The following TBC1D19 variants were observed in gnomAD, a reference collection of about 807,000 sequenced individuals.
The protein encoded by TBC1D19 is TBC1 domain family member 19, also known as TBC1 domain family, member 19.
Under a neutral mutation model 89.0 loss-of-function variants are expected in TBC1D19, and 60 were observed. That is an observed-to-expected ratio of 0.67 (90% CI 0.55 to 0.84). The LOEUF (loss-of-function observed/expected upper bound fraction) is 0.84. Among genes scored for constraint, TBC1D19 ranks in the 40% least tolerant of loss-of-function variants. The pLI, the probability that TBC1D19 is intolerant of heterozygous loss-of-function variation, is 0.00. For missense variants in TBC1D19, 500 were observed against 610.8 expected, an observed-to-expected ratio of 0.82 and a Z score of 1.91; for synonymous variants, 189 against 199.7, an observed-to-expected ratio of 0.95 and a Z score of 0.45.
At chr4:26,620,829 T>G in intron 4 of TBC1D19, 141 bp downstream of exon 4, 1 of 685,272 alleles carries the variant, frequency 1.5e-6, no homozygotes, top group South Asian at 2.6e-5. Flanking sequence ...TTAATAGTAT[T>G]TGTATATTCT....
intron 6 of TBC1D19, 24 bp downstream of exon 6, chr4:26,638,858 T>A: frequency 6.4e-7 from 1 of 1,558,320 alleles, no homozygotes; most frequent in South Asian, 1.2e-5. Context: ...TTTTTCTGAA[T>A]GTAGTAGTGG....
At chr4:26,637,340 G>A (rs1743196880) in intron 5 of TBC1D19, 55 bp downstream of exon 5, 15 of 1,307,264 alleles carry the variant, frequency 1.1e-5, no homozygotes, top group Non-Finnish European at 2.2e-6. Flanking sequence ...AATACAGAAA[G>A]TATCATGAAG....
chr4:26,650,162 G>A (rs923548953), intron 7 of TBC1D19, among the ~76,000 whole-genome samples: 9 of 152,032 alleles, frequency 5.9e-5, no homozygotes, highest in East Asian at 1.9e-4. Context: ...GAATAGTGCC[G>A]CAGAAAACAT....
At chr4:26,657,544 A>T (rs1265735815) in intron 7 of TBC1D19, among the ~76,000 whole-genome samples, 1 of 152,244 alleles carries the variant, frequency 6.6e-6, no homozygotes, top group Admixed American at 6.5e-5. Context: ...CTCAGTAAAC[A>T]TACATGTGCA....
chr4:26,762,596 C>T, the TBC1D19 span, among the ~76,000 whole-genome samples: 1 of 152,132 alleles, frequency 6.6e-6, no homozygotes, highest in African/African-American at 2.4e-5. Context: ...AATAATGGTT[C>T]CTCAAAGATA....
Position 26,616,653 on chromosome 4 carries a change from C to A in TBC1D19, c.218+2200C>A, listed in dbSNP as rs551685209. Among the ~76,000 whole-genome samples, 4 of 152,262 alleles carry A rather than the reference C, an allele frequency of 2.6e-5. No homozygotes were observed. The East Asian group carries it at 7.7e-4, about 29-fold the overall frequency. ...ACATGAGCTATACAGACTATACAGACTGAAAACAGCACACTTCGTTTTACT... is the reference window on the plus strand; with the variant it reads ...ACATGAGCTATACAGACTATACAGAATGAAAACAGCACACTTCGTTTTACT... On this transcript the variant is annotated intron_variant, in intron 3 of 20. Coordinates refer to ENST00000264866, the MANE Select transcript of TBC1D19 (RefSeq NM_018317.4).
At chr4:26,822,513 G>A in the TBC1D19 span, among the ~76,000 whole-genome samples, 2 of 152,106 alleles carry the variant, frequency 1.3e-5, no homozygotes, top group Admixed American at 6.5e-5. Context: ...AAGTTCCATG[G>A]AAATATATAT....
At chr4:26,679,455 G>A (rs1300375321) in intron 11 of TBC1D19, among the ~76,000 whole-genome samples, 2 of 152,168 alleles carry the variant, frequency 1.3e-5, no homozygotes, top group Non-Finnish European at 2.9e-5. Flanking sequence ...GAATTTCAAA[G>A]GATATATGAA....
the TBC1D19 span, among the ~76,000 whole-genome samples, chr4:26,816,256 A>G: frequency 7.2e-6 from 1 of 139,104 alleles, no homozygotes; most frequent in Non-Finnish European, 1.6e-5. Context: ...TACTTTTTTT[A>G]TGGAGCAATT....
chr4:26,785,675 C>A, the TBC1D19 span, among the ~76,000 whole-genome samples: 3 of 152,192 alleles, frequency 2.0e-5, no homozygotes, highest in African/African-American at 4.8e-5. Flanking sequence ...CACGGCATTG[C>A]ATGCACACAC....
chr4:26,644,600 G>A (rs1743787162), intron 7 of TBC1D19, among the ~76,000 whole-genome samples: 1 of 152,010 alleles, frequency 6.6e-6, no homozygotes, highest in African/African-American at 2.4e-5. Context: ...AAGAAATAAA[G>A]GTTTTCAATT....
At chr4:26,817,937 CA>C in the TBC1D19 span, among the ~76,000 whole-genome samples, 2 of 147,288 alleles carry the variant, frequency 1.4e-5, no homozygotes, top group African/African-American at 5.2e-5. Flanking sequence ...CACTGCACTC[CA>C]GCCTGGGTAA....
intron 7 of TBC1D19, among the ~76,000 whole-genome samples, chr4:26,658,460 A>G (rs2109071436): frequency 6.6e-6 from 1 of 152,264 alleles, no homozygotes; most frequent in South Asian, 2.1e-4. Context: ...CTGTTTTTAT[A>G]CCAGTACCAG....
chr4:26,593,807 T>G (rs1317870551), intron 1 of TBC1D19, among the ~76,000 whole-genome samples: 1 of 152,168 alleles, frequency 6.6e-6, no homozygotes, highest in Non-Finnish European at 1.5e-5. Flanking sequence ...CTCACACCAG[T>G]TAGAATGGCG....
At chr4:26,646,363 G>T (rs1015758144) in intron 7 of TBC1D19, among the ~76,000 whole-genome samples, 2 of 152,102 alleles carry the variant, frequency 1.3e-5, no homozygotes, top group Non-Finnish European at 1.5e-5. Flanking sequence ...TTACACTATT[G>T]GTAGTGTAAA....
At chr4:26,693,283 TAAC>T (rs1714461711) in intron 13 of TBC1D19, among the ~76,000 whole-genome samples, 1 of 151,998 alleles carries the variant, frequency 6.6e-6, no homozygotes, top group South Asian at 2.1e-4. Flanking sequence ...AATAAGCAAA[TAAC>T]AATCATGAGC....
intron 17 of TBC1D19, among the ~76,000 whole-genome samples, chr4:26,741,837 A>G (rs1318586797): frequency 1.3e-5 from 2 of 152,232 alleles, no homozygotes; most frequent in Non-Finnish European, 2.9e-5. Context: ...TAATAAATGT[A>G]CTTGAAAAAC....
intron 18 of TBC1D19, 33 bp downstream of exon 18, chr4:26,742,632 A>T: frequency 6.4e-7 from 1 of 1,569,616 alleles, no homozygotes; most frequent in Non-Finnish European, 8.7e-7. Context: ...TGAAGAATAG[A>T]TAGTTTCACA....
chr4:26,672,633 G>A (rs1484133450), intron 10 of TBC1D19, among the ~76,000 whole-genome samples: 1 of 151,878 alleles, frequency 6.6e-6, no homozygotes, highest in African/African-American at 2.4e-5. Flanking sequence ...TAACCAAAGT[G>A]GCTTTTAGTA....
Sources: allele counts gnomAD v4.1 joint callset (sites outside exome capture counted in the v4.1 genomes callset), GRCh38; gene constraint gnomAD v4.1.1; transcripts MANE v1.5; gene names NCBI Gene and HGNC (gene_info 2026-07-23, HGNC 2026-07-21).